Variants in CEP135 observed in about 807,000 individuals in gnomAD.
CEP135 encodes the protein centrosomal protein 135, also known as centrosomal protein of 135 kDa.
CEP135 carries 142 observed loss-of-function variants against 157.3 expected under a neutral mutation model. The observed-to-expected ratio is 0.90, with a 90% CI of 0.79 to 1.04. CEP135 has a LOEUF of 1.04. Ranked by LOEUF, CEP135 falls within the 50% of genes least tolerant of loss-of-function variation. CEP135 has a pLI of 0.00. For missense variants in CEP135, 1,317 were observed against 1,309.2 expected (o/e 1.01, Z -0.09); for synonymous variants, 396 against 439.8 (o/e 0.90, Z 1.25).
chr4:56,004,965 A>G (rs1208768322), intron 17 of CEP135, among the ~76,000 whole-genome samples: 1 of 89,372 alleles, frequency 1.1e-5, no homozygotes, highest in Non-Finnish European at 2.4e-5. Flanking sequence ...TAGTTGTTTT[A>G]TAACTCTTCT....
chr4:56,027,903 C>A (rs144502823), intron 25 of CEP135, among the ~76,000 whole-genome samples: 115 of 152,194 alleles, frequency 7.6e-4, no homozygotes, highest in African/African-American at 2.6e-3. Context: ...AAATTCTGTA[C>A]CCATTAAACA....
At chr4:55,991,613 A>G (rs1016451046) in intron 14 of CEP135, among the ~76,000 whole-genome samples, 3 of 151,580 alleles carry the variant, frequency 2.0e-5, no homozygotes, top group Non-Finnish European at 4.4e-5. Context: ...ATTCAGTCCT[A>G]TTTACTTATT....
chr4:55,957,119 T>C (rs1728532504), intron 4 of CEP135, 104 bp from the exon 5 acceptor site: 1 of 1,187,616 alleles, frequency 8.4e-7, no homozygotes, highest in Non-Finnish European at 1.2e-6. Context: ...ATATGTATTA[T>C]GAACTGCAGA....
chr4:55,977,143 T>C (rs942380064), intron 11 of CEP135, among the ~76,000 whole-genome samples: 23 of 152,286 alleles, frequency 1.5e-4, no homozygotes, highest in Non-Finnish European at 1.2e-4. Flanking sequence ...GTTTTAAACA[T>C]GTTCAGGAGC....
chr4:56,013,131 C>T (rs775503817), intron 21 of CEP135, among the ~76,000 whole-genome samples: 5 of 152,114 alleles, frequency 3.3e-5, no homozygotes, highest in African/African-American at 4.8e-5. Context: ...TTTGCATTTC[C>T]TTAATGGTTA....
At chr4:56,018,702 G>A (rs1730868867) in intron 22 of CEP135, among the ~76,000 whole-genome samples, 1 of 152,118 alleles carries the variant, frequency 6.6e-6, no homozygotes, top group East Asian at 1.9e-4. Flanking sequence ...CGAGGCCGCA[G>A]TAAGCAGAGA....
chr4:55,982,437 G>A (rs1464185200), intron 13 of CEP135, among the ~76,000 whole-genome samples: 4 of 152,090 alleles, frequency 2.6e-5, no homozygotes, highest in South Asian at 2.1e-4. Flanking sequence ...CCATTACTTG[G>A]TACTATCTGC....
intron 10 of CEP135, among the ~76,000 whole-genome samples, 166 bp from the exon 11 acceptor site, chr4:55,974,580 C>G (rs1388690034): frequency 6.6e-6 from 1 of 151,970 alleles, no homozygotes; most frequent in African/African-American, 2.4e-5. Flanking sequence ...TCCCTTCTTT[C>G]CTCTCAATAT....
intron 11 of CEP135, among the ~76,000 whole-genome samples, chr4:55,978,759 G>A (rs867101000): frequency 3.9e-5 from 6 of 152,100 alleles, no homozygotes; most frequent in Non-Finnish European, 7.4e-5. Flanking sequence ...TCTTTTGCCC[G>A]GGCTGGTCAT....
chr4:55,973,941 C>T (rs1729108394), intron 10 of CEP135, among the ~76,000 whole-genome samples: 1 of 152,126 alleles, frequency 6.6e-6, no homozygotes, highest in African/African-American at 2.4e-5. Flanking sequence ...CCATTCTTTC[C>T]CACTCTCCTA....
At chr4:56,005,672 A>G (rs1000034325) in intron 17 of CEP135, among the ~76,000 whole-genome samples, 7 of 152,186 alleles carry the variant, frequency 4.6e-5, no homozygotes, top group Non-Finnish European at 1.0e-4. Context: ...TTGTCTCTGT[A>G]TTTAATTTTA....
At chr4:56,011,282 C>T (rs1730572655) in intron 19 of CEP135, 130 bp from the exon 20 acceptor site, 2 of 611,394 alleles carry the variant, frequency 3.3e-6, no homozygotes, top group Non-Finnish European at 2.8e-6. Context: ...GTGAAAATAA[C>T]ACTTAGGAAC....
rs112991839 is a variant in CEP135 at position 56,014,519 on chromosome 4, A to C, written c.2802+2534A>C. 5.4e-3 allele frequency among the ~76,000 whole-genome samples: 826 copies of C among 152,354 alleles called. 2 individuals are homozygous for C. The highest frequency in any genetic ancestry group is 8.9e-3 in the Non-Finnish European group (603 of 68,024). The stretch of plus-strand genomic sequence containing the variant: ...GGTGATGTCTCAGACAGAGTTGAGA[A>C]AAGATGTTACTTGTTATAAAGTGAC... On this transcript the variant is annotated intron_variant, in intron 21 of 25. Transcript: ENST00000257287.
At chr4:55,979,686 C>G (rs976076232) in intron 11 of CEP135, among the ~76,000 whole-genome samples, 50 of 152,310 alleles carry the variant, frequency 3.3e-4, no homozygotes, top group African/African-American at 1.2e-3. Flanking sequence ...TACCAGGCAT[C>G]AGAATCACTT....
At chr4:56,004,104 A>G (rs1730270303) in intron 17 of CEP135, among the ~76,000 whole-genome samples, 2 of 152,080 alleles carry the variant, frequency 1.3e-5, no homozygotes, top group Admixed American at 6.5e-5. Flanking sequence ...TTGGTACATT[A>G]TATTTCCCTT....
At chr4:55,997,085 T>A (rs1729996378) in intron 15 of CEP135, among the ~76,000 whole-genome samples, 1 of 152,200 alleles carries the variant, frequency 6.6e-6, no homozygotes, top group South Asian at 2.1e-4. Context: ...AAGAAACTGG[T>A]TCATTTTTCC....
intron 1 of CEP135, among the ~76,000 whole-genome samples, chr4:55,951,145 C>A (rs904094259): frequency 2.0e-5 from 3 of 151,936 alleles, no homozygotes; most frequent in African/African-American, 7.3e-5. Flanking sequence ...CATACTTTAC[C>A]CCTTCTGCTG....
chr4:55,976,397 A>G (rs924262703), intron 11 of CEP135, among the ~76,000 whole-genome samples: 4 of 152,216 alleles, frequency 2.6e-5, no homozygotes, highest in Admixed American at 6.5e-5. Flanking sequence ...TTTATTGTAT[A>G]GAGGAATCTC....
At chr4:55,985,824 C>T (rs1482265311) in intron 14 of CEP135, among the ~76,000 whole-genome samples, 1 of 152,140 alleles carries the variant, frequency 6.6e-6, no homozygotes, top group Non-Finnish European at 1.5e-5. Context: ...CCTGTAGTCC[C>T]AGCTGCTTGG....
Sources: gnomAD v4.1 joint callset for allele counts (sites outside exome capture counted in the v4.1 genomes callset) on GRCh38, gnomAD v4.1.1 for gene constraint, MANE v1.5 for transcripts, NCBI Gene and HGNC (gene_info 2026-07-23, HGNC 2026-07-21) for gene names.